The following FAM222A variants were observed in gnomAD, a reference collection of about 807,000 sequenced individuals.
The protein encoded by FAM222A is protein FAM222A.
In FAM222A, 7 loss-of-function variants were observed where a neutral mutation model predicts 25.8. The observed-to-expected ratio is 0.27, with a 90% CI of 0.15 to 0.51. FAM222A has a LOEUF of 0.51. Among genes scored for constraint, FAM222A ranks in the 20% least tolerant of loss-of-function variants. FAM222A has a pLI of 0.97. For synonymous variants in FAM222A, 294 were observed against 298.8 expected, an observed-to-expected ratio of 0.98 and a Z score of 0.17; for missense variants, 573 against 640.5, an observed-to-expected ratio of 0.89 and a Z score of 1.14.
At chr12:109,767,325 T>C (rs1248151980) in intron 2 of FAM222A, among the ~76,000 whole-genome samples, 1 of 152,002 alleles carries the variant, frequency 6.6e-6, no homozygotes, top group Admixed American at 6.5e-5. Context: ...CTCAGGAGTT[T>C]AAGACTGGCC....
intron 2 of FAM222A, among the ~76,000 whole-genome samples, chr12:109,753,407 A>G (rs7314956): frequency 0.15 from 23,407 of 152,060 alleles, 2,002 homozygotes; most frequent in East Asian, 0.31. Context: ...TCAAATACAG[A>G]GAGTGCCCTG....
intron 2 of FAM222A, among the ~76,000 whole-genome samples, chr12:109,757,513 C>G (rs1050444316): frequency 6.6e-6 from 1 of 152,046 alleles, no homozygotes; most frequent in African/African-American, 2.4e-5. Context: ...TCACACCATA[C>G]CCAAAAAGGA....
intron 1 of FAM222A, among the ~76,000 whole-genome samples, chr12:109,716,300 G>C (rs189256072): frequency 1.3e-5 from 2 of 152,280 alleles, no homozygotes; most frequent in African/African-American, 4.8e-5. Flanking sequence ...TGGTGAAACT[G>C]CTGTGATCAC....
At position 109,737,973 on chromosome 12, in the gene FAM222A, A is replaced by G. The variant is rs1888132626; in HGVS notation, c.-46-6128A>G. On this transcript the variant is annotated intron_variant, in intron 1 of 2. Coordinates refer to ENST00000538780, the MANE Select transcript of FAM222A (RefSeq NM_032829.3). ...TGCTGAGACAAGCGGGGTGGGAGAGAGAGGAAGGAGCAAGGGAAGAGGGGT... is the reference window on the plus strand; with the variant it reads ...TGCTGAGACAAGCGGGGTGGGAGAGGGAGGAAGGAGCAAGGGAAGAGGGGT... Among the ~76,000 whole-genome samples the G allele has an allele frequency of 1.3e-5, 2 of 151,852 alleles. 1 individual carries two copies. The highest frequency in any genetic ancestry group is 4.2e-4 in the South Asian group (2 of 4,796).
intron 1 of FAM222A, among the ~76,000 whole-genome samples, chr12:109,739,399 C>G (rs1448776188): frequency 6.6e-6 from 1 of 152,206 alleles, no homozygotes; most frequent in East Asian, 1.9e-4. Flanking sequence ...TTCCGTCCTC[C>G]CAGTACATGG....
chr12:109,731,322 G>A lies in FAM222A; in HGVS notation c.-46-12779G>A, dbSNP rs573152407. 5.3e-5 allele frequency among the ~76,000 whole-genome samples: 8 copies of A among 152,138 alleles called. No individual in the cohort carries two copies. In the East Asian group the frequency reaches 5.8e-4, roughly 11 times the overall value. ...GTGACCCAGCGCCTACCCCAGGAGC[G>A]GCTGGTCCTGTGGGACATTGGGTGC... On this transcript the variant is annotated intron_variant, in intron 1 of 2. Coordinates refer to ENST00000538780, the MANE Select transcript of FAM222A (RefSeq NM_032829.3).
chr12:109,769,024 G>T lies in FAM222A; in HGVS notation c.1095G>T (p.Ala365=). The T allele has an allele frequency of 6.3e-7, 1 of 1,581,708 alleles. No individual in the cohort carries two copies. The change falls in exon 3 of 3, where the codon GCG becomes GCT. Residue 365 remains alanine (A), a synonymous_variant. Transcript: ENST00000538780. ...CCAGCGACTGCTACAACCCAGCGGCGGCGGTGGTGGTCACGGAGCTGGGGC... is the reference window on the plus strand; with the variant it reads ...CCAGCGACTGCTACAACCCAGCGGCTGCGGTGGTGGTCACGGAGCTGGGGC... ...TPTSDCYNPA[A]AVVVTELGPG...
chr12:109,758,865 C>T (rs1406505118), intron 2 of FAM222A, among the ~76,000 whole-genome samples: 1 of 152,116 alleles, frequency 6.6e-6, no homozygotes, highest in East Asian at 1.9e-4. Context: ...CTTGCTCCCC[C>T]ATTTCAACAC....
chr12:109,751,400 T>A (rs1888555527), intron 2 of FAM222A, among the ~76,000 whole-genome samples: 1 of 152,244 alleles, frequency 6.6e-6, no homozygotes, highest in Non-Finnish European at 1.5e-5. Flanking sequence ...TGCCTTGCTT[T>A]CATTTTTTAG....
intron 1 of FAM222A, among the ~76,000 whole-genome samples, chr12:109,718,690 C>G (rs984414072): frequency 6.6e-6 from 1 of 152,206 alleles, no homozygotes; most frequent in African/African-American, 2.4e-5. Flanking sequence ...CGGTGCCGGC[C>G]GGTCACCTCC....
rs1183050281 is a variant in FAM222A, at chr12:109,714,213, CGCCGCT to C, written c.-725_-720del. 101 of 182,744 alleles carry C rather than the reference CGCCGCT, an allele frequency of 5.5e-4. No homozygotes were observed. Among genetic ancestry groups the C allele is most frequent in the Non-Finnish European group, 9.3e-4 (85 of 91,886 alleles). 11.3% of individuals were successfully genotyped at this position (182,744 alleles called of 1,614,324 possible). On this transcript the variant is annotated 5_prime_UTR_variant, in exon 1 of 3. Coordinates refer to ENST00000538780, the MANE Select transcript of FAM222A (RefSeq NM_032829.3). This position sits in a 1 kb window ranked among gnomAD's most constrained non-coding sequence, Gnocchi z 4.2. ...TTGCGTCGCCCGCTGCCGCCGCCGCCGCCGCTGCCGCCGCCGCTGTTCGCCGGCTTC... is the reference window on the plus strand; with the variant it reads ...TTGCGTCGCCCGCTGCCGCCGCCGCCGCCGCCGCCGCTGTTCGCCGGCTTC...
In FAM222A at chr12:109,714,166, GC is replaced by G. The variant is rs1273799807; in HGVS notation, c.-773del. 1.1e-5 allele frequency: 2 copies of G among 185,498 alleles called. No homozygotes were observed. Among genetic ancestry groups the G allele is most frequent in the Non-Finnish European group, 2.2e-5 (2 of 90,026 alleles). 11.5% of individuals were successfully genotyped at this position (185,498 alleles called of 1,614,324 possible). A position where few individuals can be genotyped will look rare whatever the true frequency, so the allele number is the denominator to read the frequency against. ...GGATCGGCTGTTTCTCAGCGCCGAG[GC>G]CCCCGAGGCTGCATCCGAGCTTGCG... On this transcript the variant is annotated 5_prime_UTR_variant, in exon 1 of 3. Transcript: ENST00000538780. The surrounding 1 kb of genome is among the most constrained non-coding windows in gnomAD (Gnocchi z 4.2).
chr12:109,759,845 C>T (rs577061775), intron 2 of FAM222A, among the ~76,000 whole-genome samples: 8 of 152,336 alleles, frequency 5.3e-5, no homozygotes, highest in East Asian at 1.9e-4. Context: ...CAAGCACCTT[C>T]GGTGGTGGCA....
chr12:109,758,274 C>T (rs1302272619), intron 2 of FAM222A, among the ~76,000 whole-genome samples: 1 of 152,200 alleles, frequency 6.6e-6, no homozygotes, highest in Non-Finnish European at 1.5e-5. Context: ...CCATTGTTCG[C>T]TGCTACCCTC....
chr12:109,720,408 G>A (rs1887726572), intron 1 of FAM222A, among the ~76,000 whole-genome samples: 1 of 152,250 alleles, frequency 6.6e-6, no homozygotes, highest in African/African-American at 2.4e-5. Context: ...CAGGGCACGG[G>A]CAGCTGCCTC....
At chr12:109,740,802 G>A (rs1888220181) in intron 1 of FAM222A, among the ~76,000 whole-genome samples, 1 of 152,222 alleles carries the variant, frequency 6.6e-6, no homozygotes, top group Non-Finnish European at 1.5e-5. Context: ...ACACAGTCCA[G>A]CGGAGGGAGA....
At position 109,769,537 on chromosome 12, in the gene FAM222A, G is replaced by A. The variant is rs929462713; in HGVS notation, c.*249G>A. On this transcript the variant is annotated 3_prime_UTR_variant, in exon 3 of 3. Coordinates refer to ENST00000538780, the MANE Select transcript of FAM222A (RefSeq NM_032829.3). ...TGAGGGCCTGGGGGCAGCCACTGAC[G>A]CCCATGCCTTCCTTTATCTAAGCTG... 1.7e-5 allele frequency: 9 copies of A among 540,948 alleles called. No homozygotes were observed. Among genetic ancestry groups the A allele is most frequent in the South Asian group, 2.8e-5 (1 of 36,132 alleles). The allele number at this position is 540,948 out of a possible 1,614,324, so 33.5% of individuals were successfully genotyped here.
chr12:109,734,322 G>A (rs1263033028), intron 1 of FAM222A: 1 of 152,274 alleles, frequency 6.6e-6, no homozygotes, highest in Non-Finnish European at 1.5e-5. Flanking sequence ...ATTGACGGCA[G>A]GGGGGCGATG....
intron 1 of FAM222A, among the ~76,000 whole-genome samples, chr12:109,726,748 G>A (rs1321289489): frequency 1.3e-5 from 2 of 152,302 alleles, no homozygotes; most frequent in East Asian, 1.9e-4. Flanking sequence ...TTCCCTAGGG[G>A]CCTGGGTCCG....
Sources: gnomAD v4.1 joint callset for allele counts (sites outside exome capture counted in the v4.1 genomes callset) on GRCh38, gnomAD v4.1.1 for gene constraint, Gnocchi (gnomAD v3.1) non-coding constraint, MANE v1.5 for transcripts, NCBI Gene and HGNC (gene_info 2026-07-23, HGNC 2026-07-21) for gene names.